Variants in HMCN1 observed in about 807,000 individuals in gnomAD.
The protein encoded by HMCN1 is hemicentin-1.
Under a neutral mutation model 625.9 loss-of-function variants are expected in HMCN1, and 321 were observed. That is an observed-to-expected ratio of 0.51 (90% CI 0.47 to 0.56). The LOEUF is 0.56. HMCN1 is among the 20% of genes least tolerant of loss of function. HMCN1 has a pLI of 0.00. For missense variants in HMCN1, 6,588 were observed against 6,887.3 expected (o/e 0.96, Z 1.54); for synonymous variants, 2,425 against 2,417.6 (o/e 1.00, Z -0.09).
At chr1:185,795,994 G>T (rs1004431250) in intron 1 of HMCN1, among the ~76,000 whole-genome samples, 4 of 152,050 alleles carry the variant, frequency 2.6e-5, no homozygotes, top group Admixed American at 1.3e-4. Context: ...GTGAAGTTTT[G>T]TTAACACGGA....
At chr1:185,880,640 C>T (rs1045727812) in intron 4 of HMCN1, among the ~76,000 whole-genome samples, 56 of 152,082 alleles carry the variant, frequency 3.7e-4, no homozygotes, top group African/African-American at 1.3e-3. Context: ...GAAAGACCTG[C>T]TTCTGTCTTT....
chr1:185,971,810 G>A (rs1473848644), intron 15 of HMCN1, among the ~76,000 whole-genome samples: 1 of 152,078 alleles, frequency 6.6e-6, no homozygotes, highest in Non-Finnish European at 1.5e-5. Flanking sequence ...TGGTGATTAT[G>A]CCCTTGGGGG....
intron 11 of HMCN1, among the ~76,000 whole-genome samples, chr1:185,942,441 T>C (rs575936108): frequency 1.2e-4 from 18 of 152,258 alleles, no homozygotes; most frequent in African/African-American, 4.3e-4. Flanking sequence ...TACTCCTTTC[T>C]CAATGCATTG....
chr1:185,783,593 AG>A (rs1383439095), intron 1 of HMCN1, among the ~76,000 whole-genome samples: 1 of 152,024 alleles, frequency 6.6e-6, no homozygotes, highest in Non-Finnish European at 1.5e-5. Flanking sequence ...GGTCTGTTGG[AG>A]TTTGCTGGAG....
At chr1:185,955,549 T>C (rs1451872702) in intron 11 of HMCN1, among the ~76,000 whole-genome samples, 2 of 152,204 alleles carry the variant, frequency 1.3e-5, no homozygotes, top group East Asian at 3.8e-4. Context: ...GAATTATAGG[T>C]AGACAAGTTG....
At position 186,123,091 on chromosome 1, in the gene HMCN1, C is replaced by T. The variant is rs760181577; in HGVS notation, c.12370C>T (p.Arg4124Cys). ...KDGRAIVESIRQRVLSSGSLQ... is the reference protein window; with the variant it reads ...KDGRAIVESICQRVLSSGSLQ... ...TGGGCGTGCAATTGTGGAATCTATC[C>T]GCCAGCGCGTCCTCAGCTCTGGCTC... The change falls in exon 81 of 107, where the codon CGC (arginine) becomes TGC (cysteine). Residue 4124 changes from arginine (R) to cysteine (C), a missense_variant. Transcript: ENST00000271588. The T allele has an allele frequency of 7.4e-6, 12 of 1,613,950 alleles. No homozygotes were observed. The highest frequency in any genetic ancestry group is 2.7e-5 in the African/African-American group (2 of 74,902).
rs79220750 is a variant in HMCN1, at chr1:185,992,209, A to G, written c.3378-973A>G. Among the ~76,000 whole-genome samples the G allele has an allele frequency of 6.2e-3, 946 of 152,094 alleles. 15 individuals are homozygous for G. The highest frequency in any genetic ancestry group is 0.021 in the African/African-American group (882 of 41,510). ...TGTTGAAAATATCTTCTCTCAGTCT[A>G]TTTCTGTGGTGTCAAGTTTATGTGT... On this transcript the variant is annotated intron_variant, in intron 22 of 106. Transcript: ENST00000271588.
chr1:185,802,008 ATGT>A (rs1457157515), intron 1 of HMCN1, among the ~76,000 whole-genome samples: 1 of 152,140 alleles, frequency 6.6e-6, no homozygotes, highest in African/African-American at 2.4e-5. Context: ...GATGGAAGAA[ATGT>A]TAGGGCTCTT....
At chr1:186,028,197 C>G (rs1655187178) in intron 36 of HMCN1, among the ~76,000 whole-genome samples, 2 of 152,044 alleles carry the variant, frequency 1.3e-5, no homozygotes, top group South Asian at 4.1e-4. Flanking sequence ...CACAATGTGT[C>G]AAGAAGAAGG....
intron 66 of HMCN1, among the ~76,000 whole-genome samples, chr1:186,093,990 T>C (rs1281016841): frequency 6.6e-6 from 1 of 152,112 alleles, no homozygotes; most frequent in Admixed American, 6.6e-5. Context: ...CCTACTATGA[T>C]AATGTGATTT....
chr1:186,162,267 A>G (rs113351832), intron 97 of HMCN1, among the ~76,000 whole-genome samples: 1,832 of 152,236 alleles, frequency 0.012, 40 homozygotes, highest in African/African-American at 0.041. Context: ...TTTCAGCTCC[A>G]TCAGCTCCTT....
At chr1:186,126,711 A>G (rs1661663745) in intron 82 of HMCN1, among the ~76,000 whole-genome samples, 2 of 152,214 alleles carry the variant, frequency 1.3e-5, no homozygotes, top group Non-Finnish European at 2.9e-5. Flanking sequence ...CAGTGAAAGC[A>G]AAGCAAAGAA....
chr1:185,963,245 C>A (rs1650156070), intron 12 of HMCN1, among the ~76,000 whole-genome samples: 1 of 152,102 alleles, frequency 6.6e-6, no homozygotes, highest in Non-Finnish European at 1.5e-5. Context: ...CTGGGTTTGG[C>A]AGTGAAGAAG....
chr1:186,053,696 G>A (rs1488675106), intron 43 of HMCN1, 129 bp from the exon 44 acceptor site: 6 of 872,084 alleles, frequency 6.9e-6, no homozygotes, highest in Non-Finnish European at 1.1e-5. Context: ...ACACACTAGG[G>A]CAGGATTATT....
At position 186,003,797 on chromosome 1, in the gene HMCN1, G is replaced by A; in HGVS notation, c.4428G>A (p.Gln1476=). 1 of 1,612,972 alleles carries A rather than the reference G, an allele frequency of 6.2e-7. No individual in the cohort carries two copies. The highest frequency in any genetic ancestry group is 2.2e-5 in the East Asian group (1 of 44,820). ...VLNRDVALEC[Q]VKGTPFPDIH... ...ACCGTGACGTCGCCCTTGAATGCCA[G>A]GTCAAAGGCACTCCCTTTCCTGATA... The change falls in exon 29 of 107, where the codon CAG becomes CAA. Residue 1476 remains glutamine (Q), a synonymous_variant. Transcript: ENST00000271588.
chr1:185,774,867 A>T (rs1302362104), intron 1 of HMCN1, among the ~76,000 whole-genome samples: 1 of 152,200 alleles, frequency 6.6e-6, no homozygotes, highest in African/African-American at 2.4e-5. Context: ...TGGTTAGAAT[A>T]AATCATTAGC....
chr1:186,120,276 T>A, intron 80 of HMCN1, 131 bp downstream of exon 80: 1 of 1,041,960 alleles, frequency 9.6e-7, no homozygotes, highest in Non-Finnish European at 1.4e-6. Flanking sequence ...TGCATTATCC[T>A]ATTGGTTTTT....
chr1:186,118,527 T>A (rs1661241620), intron 77 of HMCN1, among the ~76,000 whole-genome samples: 1 of 152,186 alleles, frequency 6.6e-6, no homozygotes, highest in African/African-American at 2.4e-5. Flanking sequence ...AATGAAAACA[T>A]TTGTCTACAC....
chr1:185,942,920 T>A (rs996330561), intron 11 of HMCN1, among the ~76,000 whole-genome samples: 1 of 146,460 alleles, frequency 6.8e-6, no homozygotes, highest in African/African-American at 2.5e-5. Flanking sequence ...TTTTATTTAC[T>A]TTTTTTTTTT....
Sources: allele counts gnomAD v4.1 joint callset (sites outside exome capture counted in the v4.1 genomes callset), GRCh38; gene constraint gnomAD v4.1.1; transcripts MANE v1.5; gene names NCBI Gene and HGNC (gene_info 2026-07-23, HGNC 2026-07-21).